Variants in CMIP observed in about 807,000 individuals in gnomAD.
CMIP encodes C-Maf-inducing protein.
CMIP carries 13 observed loss-of-function variants against 97.3 expected under a neutral mutation model. The observed-to-expected ratio is 0.13, with a 90% CI of 0.09 to 0.21. CMIP has a LOEUF of 0.21. Among genes scored for constraint, CMIP ranks in the 10% least tolerant of loss-of-function variants. The pLI is 1.00. For synonymous variants in CMIP, 538 were observed against 436.3 expected (o/e 1.23, Z -2.91); for missense variants, 847 against 1,024.9 (o/e 0.83, Z 2.37).
Position 81,707,010 on chromosome 16 carries a change from G to T in CMIP, c.2198-4G>T. On this transcript the variant is annotated splice_polypyrimidine_tract_variant and splice_region_variant and intron_variant, in intron 19 of 20. Coordinates refer to ENST00000537098, the MANE Select transcript of CMIP (RefSeq NM_198390.3). ...CCTAACAACTGTATCTGTCTCTTGT[G>T]CAGCCATGAAGAGTCTCTGCAGTTT... 1 of 1,613,180 alleles carries T rather than the reference G, an allele frequency of 6.2e-7. No individual in the cohort carries two copies. The highest frequency in any genetic ancestry group is 1.1e-5 in the South Asian group (1 of 91,002).
At chr16:81,644,968 G>A (rs184394519) in intron 3 of CMIP, among the ~76,000 whole-genome samples, 10 of 152,308 alleles carry the variant, frequency 6.6e-5, no homozygotes, top group East Asian at 5.8e-4. Flanking sequence ...CCGTGGGGAC[G>A]TGATGACAGG....
At chr16:81,680,469 A>G (rs1904762133) in intron 10 of CMIP, among the ~76,000 whole-genome samples, 1 of 152,162 alleles carries the variant, frequency 6.6e-6, no homozygotes, top group Admixed American at 6.5e-5. Context: ...GAGATCGTGG[A>G]GGCAGCGTCC....
At chr16:81,596,550 A>G (rs1167297017) in intron 1 of CMIP, among the ~76,000 whole-genome samples, 1 of 151,826 alleles carries the variant, frequency 6.6e-6, no homozygotes, top group Non-Finnish European at 1.5e-5. Context: ...CATTGCATAC[A>G]CACAAAAGAG....
chr16:81,445,520 C>G lies in CMIP; in HGVS notation c.279C>G (p.Asp93Glu), dbSNP rs1008323521. ...AGCCGCACCACCTAACGCTGGCCGACAACAGCCTGGCGTCCGCCACGGTGA... is the reference window on the plus strand; with the variant it reads ...AGCCGCACCACCTAACGCTGGCCGAGAACAGCCTGGCGTCCGCCACGGTGA... ...RWEPHHLTLA[D>E]NSLASATPTG... is the part of the protein sequence containing the mutation. Residue 93 changes from aspartate to glutamate, a missense_variant, in exon 1 of 21, where the codon GAC (aspartate) becomes GAG (glutamate). Coordinates refer to ENST00000537098, the MANE Select transcript of CMIP (RefSeq NM_198390.3). 1.0e-4 allele frequency: 155 copies of G among 1,549,746 alleles called. No individual in the cohort carries two copies. The highest frequency in any genetic ancestry group is 1.3e-4 in the Non-Finnish European group (153 of 1,146,982).
chr16:81,470,839 A>C (rs1393030935), intron 1 of CMIP, among the ~76,000 whole-genome samples: 1 of 152,268 alleles, frequency 6.6e-6, no homozygotes, highest in Non-Finnish European at 1.5e-5. Flanking sequence ...TGACTTCCTC[A>C]TGTGATCTCT....
At chr16:81,578,474 C>T (rs1472468560) in intron 1 of CMIP, among the ~76,000 whole-genome samples, 1 of 152,226 alleles carries the variant, frequency 6.6e-6, no homozygotes, top group African/African-American at 2.4e-5. Context: ...GGGAAGAACA[C>T]AGAGAGAGTT....
chr16:81,623,335 C>T lies in CMIP; in HGVS notation c.477+2409C>T, dbSNP rs181513513. 1.7e-4 allele frequency among the ~76,000 whole-genome samples: 26 copies of T among 152,264 alleles called. No homozygotes were observed. In the East Asian group the frequency reaches 4.4e-3, roughly 26 times the overall value. ...GTTTGCATTCAATTATGGTGGCATC[C>T]GGTTTATTTATGGTTGCTAAATTTA... On this transcript the variant is annotated intron_variant, in intron 3 of 20. Transcript: ENST00000537098.
In CMIP at chr16:81,655,362, A is replaced by G. The variant is rs371800735; in HGVS notation, c.640-2413A>G. On this transcript the variant is annotated intron_variant, in intron 4 of 20. Transcript: ENST00000537098. The surrounding 1 kb of genome is among the most constrained non-coding windows in gnomAD (Gnocchi z 4.9). ...GAGGGGCATCGTGGAGGGAGCTGCTAAGGACGCAAAACAGTTCCGAGAAAG... is the reference window on the plus strand; with the variant it reads ...GAGGGGCATCGTGGAGGGAGCTGCTGAGGACGCAAAACAGTTCCGAGAAAG... Among the ~76,000 whole-genome samples, 1 of 152,094 alleles carries G rather than the reference A, an allele frequency of 6.6e-6. No individual in the cohort carries two copies. Among genetic ancestry groups the G allele is most frequent in the African/African-American group, 2.4e-5 (1 of 41,412 alleles).
At chr16:81,664,581 C>T (rs1040969155) in intron 7 of CMIP, 27 of 577,438 alleles carry the variant, frequency 4.7e-5, no homozygotes, top group Admixed American at 1.5e-4. Flanking sequence ...ACAAAAATAC[C>T]GCAGCTGGAG....
intron 3 of CMIP, among the ~76,000 whole-genome samples, chr16:81,639,204 G>A (rs1031527119): frequency 3.5e-4 from 54 of 152,172 alleles, no homozygotes; most frequent in African/African-American, 1.3e-3. Context: ...AATGGGGGTC[G>A]CACCTGTTAA....
rs1454958930 is a variant in CMIP at position 81,661,291 on chromosome 16, G to A, written c.744+345G>A. Among the ~76,000 whole-genome samples, 4 of 152,234 alleles carry A rather than the reference G, an allele frequency of 2.6e-5. No homozygotes were observed. In the East Asian group the frequency reaches 5.8e-4, roughly 22 times the overall value. ...CTCTGCGCAGTGGCTGGCCCACGGTGGGGTGCGGCTGTGGGGCTTTCCCTG... is the reference window on the plus strand; with the variant it reads ...CTCTGCGCAGTGGCTGGCCCACGGTAGGGTGCGGCTGTGGGGCTTTCCCTG... On this transcript the variant is annotated intron_variant, in intron 6 of 20. Coordinates refer to ENST00000537098, the MANE Select transcript of CMIP (RefSeq NM_198390.3).
chr16:81,484,872 G>A (rs1192159209), intron 1 of CMIP, among the ~76,000 whole-genome samples: 1 of 151,908 alleles, frequency 6.6e-6, no homozygotes, highest in Non-Finnish European at 1.5e-5. Context: ...TCCTAGGAGT[G>A]GGGTCTGCTC....
chr16:81,620,328 G>T (rs2091976355), intron 2 of CMIP: 2 of 153,062 alleles, frequency 1.3e-5, no homozygotes, highest in Admixed American at 6.5e-5. Context: ...AGACTTGGAA[G>T]CCAGGCTACC....
rs1908285883 is a variant in CMIP, at chr16:81,707,532, G to GCTCTGGCTGTTAGGAAATAAATA, written c.2268+449_2268+471dup. ...CAGCGAGTCATGCTTTTCAAAGCATGCTCTGGCTGTTAGGAAATAAATATT... is the reference window on the plus strand; with the variant it reads ...CAGCGAGTCATGCTTTTCAAAGCATGCTCTGGCTGTTAGGAAATAAATACTCTGGCTGTTAGGAAATAAATATT... On this transcript the variant is annotated intron_variant, in intron 20 of 20. Coordinates refer to ENST00000537098, the MANE Select transcript of CMIP (RefSeq NM_198390.3). 2.0e-5 allele frequency among the ~76,000 whole-genome samples: 3 copies of GCTCTGGCTGTTAGGAAATAAATA among 152,356 alleles called. No homozygotes were observed. The South Asian group carries it at 6.2e-4, about 32-fold the overall frequency.
chr16:81,503,050 T>C (rs1189718420), intron 1 of CMIP, among the ~76,000 whole-genome samples: 3 of 152,204 alleles, frequency 2.0e-5, no homozygotes, highest in Non-Finnish European at 4.4e-5. Context: ...GCCTCCTCGT[T>C]GATGTTTCAT....
chr16:81,661,425 T>A (rs2092545200), intron 6 of CMIP, among the ~76,000 whole-genome samples: 1 of 152,262 alleles, frequency 6.6e-6, no homozygotes, highest in Non-Finnish European at 1.5e-5. Context: ...ACATAGGACA[T>A]GTCCAGGGCA....
rs376212344 is a variant in CMIP, at chr16:81,495,411, C to T, written c.300+49870C>T. On this transcript the variant is annotated intron_variant, in intron 1 of 20. Coordinates refer to ENST00000537098, the MANE Select transcript of CMIP (RefSeq NM_198390.3). ...TTTGAGAACAACAAACCAAGCCGGCCGGGCTGCCGCTCTGTTTCCTGCGAG... is the reference window on the plus strand; with the variant it reads ...TTTGAGAACAACAAACCAAGCCGGCTGGGCTGCCGCTCTGTTTCCTGCGAG... The T allele has an allele frequency of 4.6e-4, 730 of 1,583,104 alleles. 1 individual carries two copies. Among genetic ancestry groups the T allele is most frequent in the Non-Finnish European group, 5.9e-4 (693 of 1,164,840 alleles).
At chr16:81,482,077 C>T (rs1396223224) in intron 1 of CMIP, among the ~76,000 whole-genome samples, 1 of 152,086 alleles carries the variant, frequency 6.6e-6, no homozygotes, top group Admixed American at 6.5e-5. Context: ...CAGCGTTTCA[C>T]CATGTTGGCC....
chr16:81,626,920 GTGTT>G (rs2092079582), intron 3 of CMIP, among the ~76,000 whole-genome samples: 1 of 148,958 alleles, frequency 6.7e-6, no homozygotes, highest in Non-Finnish European at 1.5e-5. Context: ...TTTTATGTGT[GTGTT>G]TGTGTATGTG....
Sources: gnomAD v4.1 joint callset for allele counts (sites outside exome capture counted in the v4.1 genomes callset) on GRCh38, gnomAD v4.1.1 for gene constraint, Gnocchi (gnomAD v3.1) non-coding constraint, MANE v1.5 for transcripts, NCBI Gene and HGNC (gene_info 2026-07-23, HGNC 2026-07-21) for gene names.